ALOX5: variants seen among roughly 807,000 people sequenced by gnomAD.
ALOX5 encodes arachidonate 5-lipoxygenase, also known as polyunsaturated fatty acid 5-lipoxygenase.
Under a neutral mutation model 87.9 loss-of-function variants are expected in ALOX5, and 64 were observed. The observed-to-expected ratio is 0.73, with a 90% CI of 0.60 to 0.90. The LOEUF (loss-of-function observed/expected upper bound fraction) is 0.90. Among genes scored for constraint, ALOX5 ranks in the 40% least tolerant of loss-of-function variants. The pLI, the probability that ALOX5 is intolerant of heterozygous loss-of-function variation, is 0.00. For synonymous variants in ALOX5, 388 were observed against 355.1 expected (o/e 1.09, Z -1.04); for missense variants, 822 against 907.5 (o/e 0.91, Z 1.21).
chr10:45,395,267 TATGCAGCCATAAAAA>T (rs1319942058), intron 2 of ALOX5, among the ~76,000 whole-genome samples: 1 of 152,174 alleles, frequency 6.6e-6, no homozygotes, highest in African/African-American at 2.4e-5. Context: ...CATGGAATAC[TATGCAGCCATAAAAA>T]AGGATGAATT....
At chr10:45,397,757 A>G (rs1219569753) in intron 3 of ALOX5, among the ~76,000 whole-genome samples, 1 of 152,264 alleles carries the variant, frequency 6.6e-6, no homozygotes, top group Non-Finnish European at 1.5e-5. Context: ...CATCAAAAAC[A>G]GTAAACATTT....
At chr10:45,422,843 G>T (rs1437193690) in intron 4 of ALOX5, among the ~76,000 whole-genome samples, 4 of 152,192 alleles carry the variant, frequency 2.6e-5, no homozygotes. Flanking sequence ...GAGGCTAGAA[G>T]TCCAAGATTA....
At chr10:45,383,662 C>A (rs977983018) in intron 2 of ALOX5, among the ~76,000 whole-genome samples, 17 of 152,140 alleles carry the variant, frequency 1.1e-4, no homozygotes, top group African/African-American at 3.6e-4. Context: ...GCTAAGAAAA[C>A]TGAGACAAAG....
chr10:45,381,940 C>G (rs1839845392), intron 1 of ALOX5, among the ~76,000 whole-genome samples: 1 of 152,262 alleles, frequency 6.6e-6, no homozygotes, highest in African/African-American at 2.4e-5. Context: ...TCCACCTCTT[C>G]CCATTTCAGC....
intron 4 of ALOX5, among the ~76,000 whole-genome samples, chr10:45,423,666 G>T (rs185182848): frequency 9.4e-4 from 143 of 152,282 alleles, no homozygotes; most frequent in African/African-American, 3.3e-3. Context: ...ACTGTTCATC[G>T]CCCCAAAAGC....
In ALOX5 at chr10:45,443,349, G is replaced by C; in HGVS notation, c.1452-67G>C. The C allele has an allele frequency of 1.9e-6, 3 of 1,591,750 alleles. No homozygotes were observed. The South Asian group carries it at 3.4e-5, about 18-fold the overall frequency. ...GGGGAGTCCCAGCGTCCGTGAGGGG[G>C]TTGCCGCCGGGCACCGCTCCGCAGA... On this transcript the variant is annotated intron_variant, in intron 10 of 13. Transcript: ENST00000374391.
chr10:45,395,419 A>T (rs1022821922), intron 2 of ALOX5, among the ~76,000 whole-genome samples: 9 of 152,284 alleles, frequency 5.9e-5, no homozygotes, highest in African/African-American at 1.7e-4. Context: ...GAACACTTGG[A>T]CACAGGAAGG....
At chr10:45,400,555 C>T (rs1024924922) in intron 3 of ALOX5, among the ~76,000 whole-genome samples, 9 of 151,964 alleles carry the variant, frequency 5.9e-5, no homozygotes, top group Admixed American at 5.9e-4. Flanking sequence ...GCCTAGATCC[C>T]GCCACTGCAC....
At chr10:45,389,093 G>C (rs553978935) in intron 2 of ALOX5, among the ~76,000 whole-genome samples, 2 of 152,364 alleles carry the variant, frequency 1.3e-5, no homozygotes, top group South Asian at 4.1e-4. Flanking sequence ...AAGGGTATCA[G>C]TGACTGAAGA....
intron 1 of ALOX5, among the ~76,000 whole-genome samples, chr10:45,379,353 C>T (rs957415917): frequency 2.6e-5 from 4 of 152,180 alleles, no homozygotes; most frequent in African/African-American, 7.2e-5. Flanking sequence ...AGACCAGGCC[C>T]GGGCCTCTGG....
chr10:45,418,043 G>A (rs1157417765), intron 4 of ALOX5, among the ~76,000 whole-genome samples: 1 of 152,226 alleles, frequency 6.6e-6, no homozygotes, highest in East Asian at 1.9e-4. Flanking sequence ...GGCAGGAGCA[G>A]AGCGAAGGAA....
At chr10:45,430,009 T>C (rs1423626997) in intron 7 of ALOX5, among the ~76,000 whole-genome samples, 2 of 152,216 alleles carry the variant, frequency 1.3e-5, no homozygotes, top group Non-Finnish European at 2.9e-5. Flanking sequence ...CAGGGGCACG[T>C]AGCCTCAGAG....
intron 2 of ALOX5, among the ~76,000 whole-genome samples, chr10:45,391,081 C>T (rs1442746049): frequency 7.5e-6 from 1 of 132,870 alleles, no homozygotes; most frequent in African/African-American, 3.0e-5. Context: ...CCCACGGTCT[C>T]CCTCTCCCTC....
Position 45,441,282 on chromosome 10 carries a change from C to G in ALOX5, c.1186-62C>G. 2.0e-6 allele frequency: 3 copies of G among 1,477,442 alleles called. No individual in the cohort carries two copies. The South Asian group carries it at 3.5e-5, about 17-fold the overall frequency. 91.5% of individuals were successfully genotyped at this position (1,477,442 alleles called of 1,614,324 possible). On this transcript the variant is annotated intron_variant, in intron 8 of 13. Transcript: ENST00000374391. ...AGGCCTGGGTGGGGGAGCTGCGGGT[C>G]CCTGAGGCACCAGGTCACCTGACTG...
intron 3 of ALOX5, among the ~76,000 whole-genome samples, chr10:45,406,671 T>C (rs55866086): frequency 0.19 from 28,191 of 152,216 alleles, 2,910 homozygotes; most frequent in African/African-American, 0.25. Flanking sequence ...CTGGGATAAA[T>C]GTAAATTACT....
At position 45,423,263 on chromosome 10, in the gene ALOX5, C is replaced by T. The variant is rs886495133; in HGVS notation, c.555-778C>T. The stretch of plus-strand genomic sequence containing the variant: ...AGAGTGGGCAGTGATTGAGCACTGA[C>T]GGTGGAGAGGCAACAGGCTATCTTG... On this transcript the variant is annotated intron_variant, in intron 4 of 13. Coordinates refer to ENST00000374391, the MANE Select transcript of ALOX5 (RefSeq NM_000698.5). 5.9e-5 allele frequency among the ~76,000 whole-genome samples: 9 copies of T among 152,310 alleles called. No individual in the cohort carries two copies. In the East Asian group the frequency reaches 1.2e-3, roughly 20 times the overall value.
Position 45,382,600 on chromosome 10 carries a change from A to T in ALOX5, c.268A>T (p.Thr90Ser). 8 of 1,614,134 alleles carry T rather than the reference A, an allele frequency of 5.0e-6. No individual in the cohort carries two copies. Among genetic ancestry groups the T allele is most frequent in the Non-Finnish European group, 6.8e-6 (8 of 1,180,034 alleles). ...DWYLKYITLK[T>S]PHGDYIEFPC... ...GTACCTGAAGTACATCACGCTGAAG[A>T]CGCCCCACGGGGACTACATCGAGTT... Residue 90 changes from threonine to serine, a missense_variant, in exon 2 of 14, where the codon ACG (threonine) becomes TCG (serine). Transcript: ENST00000374391.
intron 2 of ALOX5, among the ~76,000 whole-genome samples, chr10:45,392,705 T>TA (rs1410737055): frequency 1.4e-4 from 18 of 131,100 alleles, no homozygotes; most frequent in African/African-American, 2.3e-4. Flanking sequence ...AATGATCAAT[T>TA]AAAAAAAAAG....
intron 8 of ALOX5, among the ~76,000 whole-genome samples, chr10:45,441,091 T>G (rs1448213005): frequency 6.6e-6 from 1 of 152,210 alleles, no homozygotes; most frequent in Non-Finnish European, 1.5e-5. Flanking sequence ...GACAGTGAAC[T>G]CAGGGAGCAA....
Sources: allele counts gnomAD v4.1 joint callset (sites outside exome capture counted in the v4.1 genomes callset), GRCh38; gene constraint gnomAD v4.1.1; transcripts MANE v1.5; gene names NCBI Gene and HGNC (gene_info 2026-07-23, HGNC 2026-07-21).